The following AFDN variants were observed in gnomAD, a reference collection of about 807,000 sequenced individuals.
AFDN encodes afadin.
Under a neutral mutation model 216.6 loss-of-function variants are expected in AFDN, and 68 were observed. The ratio of observed to expected loss-of-function variants is 0.31; its 90% CI spans 0.26 to 0.38. AFDN has a LOEUF of 0.38. Ranked by LOEUF, AFDN falls within the 10% of genes least tolerant of loss-of-function variation. AFDN has a pLI of 1.00. For missense variants in AFDN, 2,136 were observed against 2,342.0 expected (o/e 0.91, Z 1.82); for synonymous variants, 868 against 853.7 (o/e 1.02, Z -0.29).
intron 31 of AFDN, chr6:167,964,538 G>A (rs897375334): frequency 1.5e-5 from 16 of 1,065,434 alleles, no homozygotes; most frequent in Admixed American, 5.3e-5. Flanking sequence ...TGGGCTCAGG[G>A]CAGTAATTGG....
intron 12 of AFDN, among the ~76,000 whole-genome samples, chr6:167,903,945 G>C (rs1207661559): frequency 6.6e-6 from 1 of 152,164 alleles, no homozygotes; most frequent in African/African-American, 2.4e-5. Flanking sequence ...ACTTTCTTCT[G>C]TTGGCTTCTA....
intron 23 of AFDN, among the ~76,000 whole-genome samples, chr6:167,927,871 C>T (rs1356169097): frequency 6.6e-6 from 1 of 152,174 alleles, no homozygotes; most frequent in Non-Finnish European, 1.5e-5. Context: ...GCTATGTTTT[C>T]TCTTTGCTTA....
chr6:167,917,253 T>C, intron 20 of AFDN, 21 bp downstream of exon 20: 2 of 1,570,254 alleles, frequency 1.3e-6, no homozygotes, highest in Non-Finnish European at 1.7e-6. Flanking sequence ...GTTGCCACAT[T>C]ACCACACAGT....
intron 1 of AFDN, among the ~76,000 whole-genome samples, chr6:167,829,431 A>G (rs768579708): frequency 2.6e-5 from 4 of 152,054 alleles, no homozygotes; most frequent in Non-Finnish European, 5.9e-5. Flanking sequence ...TGCTTTGTCT[A>G]AGCTCGTGTG....
chr6:167,856,755 A>T (rs1311383342), intron 1 of AFDN, among the ~76,000 whole-genome samples: 1 of 152,124 alleles, frequency 6.6e-6, no homozygotes, highest in African/African-American at 2.4e-5. Context: ...TCTGAGGCTG[A>T]ATACCAGACA....
At chr6:167,954,150 G>C (rs535312307) in intron 30 of AFDN, among the ~76,000 whole-genome samples, 26 of 152,238 alleles carry the variant, frequency 1.7e-4, no homozygotes, top group African/African-American at 6.3e-4. Context: ...AAAAATATTT[G>C]CTTTTTGCTT....
chr6:167,913,452 G>C (rs1490554752), intron 16 of AFDN, 29 bp downstream of exon 16: 20 of 1,535,042 alleles, frequency 1.3e-5, no homozygotes, highest in Non-Finnish European at 1.7e-5. Flanking sequence ...GCTGATCCTA[G>C]CTGTGTTGCT....
At chr6:167,888,331 A>G (rs1331131691) in intron 6 of AFDN, among the ~76,000 whole-genome samples, 3 of 152,224 alleles carry the variant, frequency 2.0e-5, no homozygotes, top group African/African-American at 7.2e-5. Context: ...GCATGAGGAT[A>G]CATTTGGGTG....
intron 1 of AFDN, among the ~76,000 whole-genome samples, chr6:167,829,731 A>C (rs1361131071): frequency 1.3e-5 from 2 of 151,918 alleles, no homozygotes. Flanking sequence ...TTATAACTTC[A>C]TTAATCATCT....
intron 30 of AFDN, among the ~76,000 whole-genome samples, chr6:167,957,171 C>T (rs1326521969): frequency 6.8e-6 from 1 of 148,006 alleles, no homozygotes; most frequent in East Asian, 2.2e-4. Context: ...TCTGGGGGGG[C>T]CCACCTGCCC....
intron 23 of AFDN, among the ~76,000 whole-genome samples, chr6:167,937,916 C>T (rs547263232): frequency 6.6e-6 from 1 of 152,314 alleles, no homozygotes; most frequent in South Asian, 2.1e-4. Flanking sequence ...TGGCCAAATT[C>T]CTTATCGATC....
intron 5 of AFDN, among the ~76,000 whole-genome samples, chr6:167,879,825 T>C (rs756231437): frequency 1.3e-5 from 2 of 152,258 alleles, no homozygotes; most frequent in Non-Finnish European, 2.9e-5. Flanking sequence ...TGAAAAATCT[T>C]TGGCCTTGAG....
At chr6:167,860,689 G>GC (rs1223202169) in intron 1 of AFDN, among the ~76,000 whole-genome samples, 1 of 152,144 alleles carries the variant, frequency 6.6e-6, no homozygotes, top group African/African-American at 2.4e-5. Context: ...TCCTGTTGCA[G>GC]CCCCCCAGAT....
chr6:167,893,676 C>T, intron 8 of AFDN, 186 bp from the exon 9 acceptor site: 1 of 568,352 alleles, frequency 1.8e-6, no homozygotes, highest in South Asian at 2.0e-5. Flanking sequence ...CTGACTGGGG[C>T]ACTAGTATAG....
intron 23 of AFDN, among the ~76,000 whole-genome samples, chr6:167,927,893 A>G (rs1792772816): frequency 6.6e-6 from 1 of 152,216 alleles, no homozygotes; most frequent in Non-Finnish European, 1.5e-5. Flanking sequence ...CGACTGAGTC[A>G]ATGCCCATTT....
chr6:167,836,458 C>T (rs1408577411), intron 1 of AFDN, among the ~76,000 whole-genome samples: 1 of 152,092 alleles, frequency 6.6e-6, no homozygotes, highest in Non-Finnish European at 1.5e-5. Flanking sequence ...CACACAAACA[C>T]AGACAGTATT....
rs1182604804 is a variant in AFDN at position 167,875,645 on chromosome 6, A to G, written c.739+150A>G. 1.1e-5 allele frequency: 9 copies of G among 806,468 alleles called. No homozygotes were observed. The East Asian group carries it at 2.0e-4, about 18-fold the overall frequency. 50.0% of individuals were successfully genotyped at this position (806,468 alleles called of 1,614,324 possible). A position where few individuals can be genotyped will look rare whatever the true frequency, so the allele number is the denominator to read the frequency against. On this transcript the variant is annotated intron_variant, in intron 5 of 33. Transcript: ENST00000683244. ...TACCATATACTTCTGGTACAAAATCAGCCTACCCTATGTACAAGAGTCCTG... is the reference window on the plus strand; with the variant it reads ...TACCATATACTTCTGGTACAAAATCGGCCTACCCTATGTACAAGAGTCCTG...
intron 6 of AFDN, among the ~76,000 whole-genome samples, chr6:167,882,048 A>C (rs1786182005): frequency 6.6e-6 from 1 of 152,194 alleles, no homozygotes; most frequent in African/African-American, 2.4e-5. Flanking sequence ...ACGGGGACAG[A>C]TAACAGAAAC....
At position 167,962,479 on chromosome 6, in the gene AFDN, G is replaced by T; in HGVS notation, c.4880G>T (p.Arg1627Leu). ...RRRQQQLEEM[R>L]KREAEDRARQ... ...CGGCAGCAGCAGTTAGAAGAGATGC[G>T]CAAGCGGGAAGCGGAAGACCGAGCG... is the stretch of plus-strand genomic sequence containing the variant. The change falls in exon 31 of 34, where the codon CGC (arginine) becomes CTC (leucine). Residue 1627 changes from arginine (R) to leucine (L), a missense_variant. Arg to Leu is a moderately radical substitution (Grantham distance 102). Transcript: ENST00000683244. The surrounding 1 kb of genome is among the most constrained non-coding windows in gnomAD (Gnocchi z 5.2). 1 of 1,613,758 alleles carries T rather than the reference G, an allele frequency of 6.2e-7. No homozygotes were observed. The highest frequency in any genetic ancestry group is 8.5e-7 in the Non-Finnish European group (1 of 1,179,718).
Sources: allele counts gnomAD v4.1 joint callset (sites outside exome capture counted in the v4.1 genomes callset), GRCh38; gene constraint gnomAD v4.1.1; non-coding constraint Gnocchi (gnomAD v3.1); transcripts MANE v1.5; gene names NCBI Gene and HGNC (gene_info 2026-07-23, HGNC 2026-07-21).